Variants in THSD4 observed in about 807,000 individuals in gnomAD.
THSD4 encodes thrombospondin type-1 domain-containing protein 4.
A neutral mutation model predicts 119.0 loss-of-function variants in THSD4; 69 were observed. The observed-to-expected ratio is 0.58, with a 90% confidence interval of 0.48 to 0.71. The LOEUF (loss-of-function observed/expected upper bound fraction) is 0.71, where lower values mean the gene tolerates loss of function less well. Among genes scored for constraint, THSD4 ranks in the 30% least tolerant of loss-of-function variants. The pLI is 0.00. For synonymous variants in THSD4, 524 were observed against 540.4 expected (o/e 0.97, Z 0.42); for missense variants, 1,393 against 1,391.1 (o/e 1.00, Z -0.02).
At chr15:71,301,924 TG>T (rs543694378) in intron 6 of THSD4, among the ~76,000 whole-genome samples, 2 of 152,076 alleles carry the variant, frequency 1.3e-5, no homozygotes, top group East Asian at 3.9e-4. Flanking sequence ...CCCTTTAGTG[TG>T]GGGGGCTCCT....
upstream of THSD4, chr15:71,112,024 C>A: frequency 7.2e-7 from 1 of 1,389,082 alleles, no homozygotes; most frequent in Non-Finnish European, 9.9e-7. Context: ...GTCCAGCTGT[C>A]CTGCATTGCC....
At chr15:71,424,095 T>G (rs899314766) in intron 7 of THSD4, among the ~76,000 whole-genome samples, 1 of 152,180 alleles carries the variant, frequency 6.6e-6, no homozygotes, top group African/African-American at 2.4e-5. Context: ...TTTCCTACCC[T>G]CTTTAGTGCC....
intron 6 of THSD4, among the ~76,000 whole-genome samples, chr15:71,271,460 C>G (rs2044530023): frequency 1.3e-5 from 2 of 152,086 alleles, no homozygotes; most frequent in South Asian, 4.1e-4. Flanking sequence ...CAGTGTTTGC[C>G]TATGCAGGTG....
chr15:71,484,341 T>A (rs78340155), intron 7 of THSD4, among the ~76,000 whole-genome samples: 1 of 152,220 alleles, frequency 6.6e-6, no homozygotes, highest in Non-Finnish European at 1.5e-5. Flanking sequence ...ATGAGTAAGA[T>A]CTGAAGAAGA....
intron 5 of THSD4, among the ~76,000 whole-genome samples, chr15:71,243,910 G>A (rs1423358882): frequency 2.0e-5 from 3 of 149,134 alleles, no homozygotes; most frequent in African/African-American, 7.4e-5. Flanking sequence ...TCAGCCTCCC[G>A]AGTAGCTGGG....
chr15:71,264,490 C>T (rs563761747), intron 6 of THSD4, among the ~76,000 whole-genome samples: 1 of 152,280 alleles, frequency 6.6e-6, no homozygotes, highest in Non-Finnish European at 1.5e-5. Flanking sequence ...AGGGCAACCT[C>T]TTTGTGAAAA....
intron 7 of THSD4, among the ~76,000 whole-genome samples, chr15:71,476,263 G>A (rs1010384951): frequency 1.4e-4 from 22 of 151,790 alleles, no homozygotes; most frequent in African/African-American, 5.1e-4. Flanking sequence ...GCAGAGTCTC[G>A]TGCTATCACC....
chr15:71,165,434 C>T, intron 3 of THSD4: 1 of 1,462,310 alleles, frequency 6.8e-7, no homozygotes, highest in Non-Finnish European at 9.4e-7. Context: ...TATTTTTCCT[C>T]AGCGAGGCAC....
At chr15:71,181,904 G>T (rs1266491420) in intron 3 of THSD4, among the ~76,000 whole-genome samples, 2 of 152,178 alleles carry the variant, frequency 1.3e-5, no homozygotes. Context: ...TCTGGTGGGT[G>T]ATCTCCAAAT....
chr15:71,492,647 A>C (rs750383463), intron 7 of THSD4, among the ~76,000 whole-genome samples: 1 of 152,170 alleles, frequency 6.6e-6, no homozygotes, highest in Non-Finnish European at 1.5e-5. Flanking sequence ...CACCAACTCC[A>C]TGAGCCTGAA....
At chr15:71,233,812 A>G (rs2044080479) in intron 4 of THSD4, among the ~76,000 whole-genome samples, 1 of 152,212 alleles carries the variant, frequency 6.6e-6, no homozygotes, top group Non-Finnish European at 1.5e-5. Context: ...AACTTTGCCA[A>G]TTCCAGGAGA....
chr15:71,766,310 G>A (rs896204751), intron 16 of THSD4, among the ~76,000 whole-genome samples: 6 of 152,040 alleles, frequency 3.9e-5, no homozygotes, highest in Admixed American at 3.9e-4. Context: ...GTGACCATTG[G>A]CGTAGTTCTG....
chr15:71,168,814 A>G (rs1019633818), intron 3 of THSD4, among the ~76,000 whole-genome samples: 1 of 152,200 alleles, frequency 6.6e-6, no homozygotes, highest in Admixed American at 6.5e-5. Context: ...CATAAAACTC[A>G]AATTATTGCT....
chr15:71,564,263 G>T (rs559142151), intron 7 of THSD4, among the ~76,000 whole-genome samples: 1 of 152,310 alleles, frequency 6.6e-6, no homozygotes, highest in East Asian at 1.9e-4. Context: ...AGCCCTTCAA[G>T]GGGCAGAGGT....
chr15:71,524,863 C>T lies in THSD4; in HGVS notation c.1152+113040C>T, dbSNP rs1050858828. On this transcript the variant is annotated intron_variant, in intron 7 of 17. Transcript: ENST00000261862. ...TCCTGACCTTGTGATCCGCCTGCCTCGGCCTCCCAAAGTGCTGGGATTACA... is the reference window on the plus strand; with the variant it reads ...TCCTGACCTTGTGATCCGCCTGCCTTGGCCTCCCAAAGTGCTGGGATTACA... Among the ~76,000 whole-genome samples the T allele has an allele frequency of 3.3e-5, 5 of 150,430 alleles. No individual in the cohort carries two copies. In the South Asian group the frequency reaches 6.3e-4, roughly 19 times the overall value.
intron 3 of THSD4, among the ~76,000 whole-genome samples, chr15:71,198,318 A>C (rs2043737516): frequency 6.6e-6 from 1 of 152,220 alleles, no homozygotes; most frequent in Non-Finnish European, 1.5e-5. Context: ...TCAAAGCAGG[A>C]ATGGGAAAAG....
chr15:71,740,207 A>T (rs1314183351), intron 11 of THSD4, among the ~76,000 whole-genome samples: 1 of 152,252 alleles, frequency 6.6e-6, no homozygotes, highest in African/African-American at 2.4e-5. Flanking sequence ...AATTAAATGC[A>T]TATAAAATAT....
intron 6 of THSD4, among the ~76,000 whole-genome samples, chr15:71,305,723 A>G (rs527339548): frequency 1.2e-4 from 19 of 152,304 alleles, no homozygotes; most frequent in Non-Finnish European, 2.6e-4. Flanking sequence ...GATGCTGTCC[A>G]GGAGAAATGG....
At chr15:71,466,213 G>T (rs1004308531) in intron 7 of THSD4, among the ~76,000 whole-genome samples, 1 of 151,808 alleles carries the variant, frequency 6.6e-6, no homozygotes, top group Admixed American at 6.6e-5. Flanking sequence ...TTAGCTGGGC[G>T]TGGTAGCTGT....
Sources: allele counts gnomAD v4.1 joint callset (sites outside exome capture counted in the v4.1 genomes callset), GRCh38; gene constraint gnomAD v4.1.1; transcripts MANE v1.5; gene names NCBI Gene and HGNC (gene_info 2026-07-23, HGNC 2026-07-21).